OLFM4: variants seen among roughly 807,000 people sequenced by gnomAD.
OLFM4 encodes olfactomedin-4.
In OLFM4, 22 loss-of-function variants were observed where a neutral mutation model predicts 25.5. That is an observed-to-expected ratio of 0.86 (90% CI 0.62 to 1.23). OLFM4 has a LOEUF of 1.23. OLFM4 is among the 50% of genes most tolerant of loss of function. OLFM4 has a pLI of 0.00. For synonymous variants in OLFM4, 255 were observed against 237.7 expected, an observed-to-expected ratio of 1.07 and a Z score of -0.67; for missense variants, 594 against 619.4, an observed-to-expected ratio of 0.96 and a Z score of 0.44.
intron 4 of OLFM4, among the ~76,000 whole-genome samples, chr13:53,047,502 C>A (rs959268295): frequency 2.0e-5 from 3 of 152,056 alleles, no homozygotes; most frequent in African/African-American, 7.2e-5. Flanking sequence ...TCTACCACAG[C>A]CGGGGCCCTA....
intron 4 of OLFM4, among the ~76,000 whole-genome samples, chr13:53,047,908 C>T (rs990960164): frequency 5.9e-5 from 9 of 151,968 alleles, no homozygotes; most frequent in African/African-American, 2.2e-4. Context: ...TTGTTGCTGT[C>T]GGTTTGGGAT....
chr13:53,043,047 T>C, intron 3 of OLFM4, 58 bp from the exon 4 acceptor site: 1 of 1,368,614 alleles, frequency 7.3e-7, no homozygotes, highest in Non-Finnish European at 1.0e-6. Flanking sequence ...AGCCCTGGAA[T>C]GTTTATGAAA....
chr13:53,029,693 C>T (rs1954618606), intron 1 of OLFM4, among the ~76,000 whole-genome samples: 1 of 152,192 alleles, frequency 6.6e-6, no homozygotes, highest in Non-Finnish European at 1.5e-5. Context: ...AGTGTTCACT[C>T]TTTGCAGTCT....
intron 3 of OLFM4, 101 bp from the exon 4 acceptor site, chr13:53,043,004 T>C: frequency 1.1e-6 from 1 of 893,142 alleles, no homozygotes; most frequent in Non-Finnish European, 1.7e-6. Flanking sequence ...CTCTGGTGTA[T>C]TCTCTGGCAA....
chr13:53,032,023 T>C (rs1274118978), intron 1 of OLFM4, among the ~76,000 whole-genome samples: 4 of 152,230 alleles, frequency 2.6e-5, no homozygotes, highest in African/African-American at 9.6e-5. Flanking sequence ...ATCAAACTTA[T>C]GGACCATTTT....
chr13:53,032,378 A>G (rs186802338), intron 1 of OLFM4, among the ~76,000 whole-genome samples: 196 of 152,228 alleles, frequency 1.3e-3, no homozygotes, highest in African/African-American at 4.0e-3. Flanking sequence ...ATAATAAGCT[A>G]TTTCTTCAAA....
chr13:53,034,282 T>A, intron 1 of OLFM4, 66 bp from the exon 2 acceptor site: 1 of 1,545,570 alleles, frequency 6.5e-7, no homozygotes, highest in Non-Finnish European at 8.8e-7. Flanking sequence ...CCAATTTCTG[T>A]CACTCCAGTT....
At chr13:53,037,972 A>T (rs1156668653) in intron 2 of OLFM4, among the ~76,000 whole-genome samples, 1 of 152,178 alleles carries the variant, frequency 6.6e-6, no homozygotes, top group Non-Finnish European at 1.5e-5. Flanking sequence ...ACGCTCACAC[A>T]AATTTTATTC....
chr13:53,042,665 C>G (rs1303090473), intron 3 of OLFM4, among the ~76,000 whole-genome samples: 2 of 152,114 alleles, frequency 1.3e-5, no homozygotes, highest in Non-Finnish European at 2.9e-5. Flanking sequence ...TAATTTATAT[C>G]AACAAAAATT....
chr13:53,044,727 G>A (rs1380379304), intron 4 of OLFM4, among the ~76,000 whole-genome samples: 3 of 152,174 alleles, frequency 2.0e-5, no homozygotes, highest in African/African-American at 4.8e-5. Flanking sequence ...AGACAACATG[G>A]TCTGTCCTCT....
chr13:53,051,999 C>A lies in OLFM4; in HGVS notation c.*1228C>A, dbSNP rs1954751698. 6.6e-6 allele frequency: 1 copy of A among 152,100 alleles called. No homozygotes were observed. Among genetic ancestry groups the A allele is most frequent in the African/African-American group, 2.4e-5 (1 of 41,406 alleles). 9.4% of individuals were successfully genotyped at this position (152,100 alleles called of 1,614,324 possible). A position where few individuals can be genotyped will look rare whatever the true frequency, so the allele number is the denominator to read the frequency against. ...TTCAAGTCCTAGTCTATAGGATTGG[C>A]AGTTTAAATGCTTTACTCCCCCTTT... On this transcript the variant is annotated 3_prime_UTR_variant, in exon 5 of 5. Transcript: ENST00000219022.
chr13:53,050,121 A>G lies in OLFM4; in HGVS notation c.883A>G (p.Thr295Ala). 1 of 1,614,014 alleles carries G rather than the reference A, an allele frequency of 6.2e-7. No homozygotes were observed. The stretch of plus-strand genomic sequence containing the variant: ...ACTGTATTGGGTGGCGCCATTGAAT[A>G]CAGATGGGAGACTGTTGGAGTATTA... ...KGLYWVAPLN[T>A]DGRLLEYYRL... is the part of the protein sequence containing the mutation. Residue 295 changes from threonine (T) to alanine (A), a missense_variant, in exon 5 of 5, where the codon ACA (threonine) becomes GCA (alanine). By Grantham distance (58) the Thr-to-Ala change is moderately conservative (BLOSUM62 0). Transcript: ENST00000219022.
intron 1 of OLFM4, 80 bp from the exon 2 acceptor site, chr13:53,034,268 C>A: frequency 6.8e-7 from 1 of 1,466,924 alleles, no homozygotes; most frequent in Non-Finnish European, 9.4e-7. Context: ...GTACTCTCGA[C>A]AAGCCAATTT....
At chr13:53,040,860 G>C (rs1257748510) in intron 2 of OLFM4, among the ~76,000 whole-genome samples, 1 of 152,046 alleles carries the variant, frequency 6.6e-6, no homozygotes, top group Non-Finnish European at 1.5e-5. Context: ...TTAAAATGGA[G>C]ATTAAGAAAA....
intron 3 of OLFM4, among the ~76,000 whole-genome samples, 167 bp from the exon 4 acceptor site, chr13:53,042,938 G>A (rs760843744): frequency 1.4e-4 from 22 of 152,140 alleles, no homozygotes; most frequent in Non-Finnish European, 2.6e-4. Flanking sequence ...AGATCTGACA[G>A]GCATTCATGC....
In OLFM4 at chr13:53,050,380, A is replaced by G. The variant is rs1470149238; in HGVS notation, c.1142A>G (p.Gln381Arg). ...TTTTCATATGCTAATGTTGCTTGGC[A>G]AGATATTGACTTTGCTGTGGATGAG... ...NRFSYANVAW[Q>R]DIDFAVDENG... is the part of the protein sequence containing the mutation. Residue 381 changes from glutamine (Q) to arginine (R), a missense_variant, in exon 5 of 5, where the codon CAA becomes CGA. Transcript: ENST00000219022. 3.1e-6 allele frequency: 5 copies of G among 1,614,028 alleles called. No individual in the cohort carries two copies. Among genetic ancestry groups the G allele is most frequent in the Middle Eastern group, 1.6e-4 (1 of 6,062 alleles).
rs954715066 is a variant in OLFM4 at position 53,050,397 on chromosome 13, G to A, written c.1159G>A (p.Val387Met). 2 of 1,614,072 alleles carry A rather than the reference G, an allele frequency of 1.2e-6. No individual in the cohort carries two copies. The highest frequency in any genetic ancestry group is 1.7e-6 in the Non-Finnish European group (2 of 1,179,974). Residue 387 changes from valine to methionine, a missense_variant, in exon 5 of 5, where the codon GTG (valine) becomes ATG (methionine). Transcript: ENST00000219022. ...NVAWQDIDFA[V>M]DENGLWVIYS... is the part of the protein sequence containing the mutation. ...TGCTTGGCAAGATATTGACTTTGCTGTGGATGAGAATGGATTGTGGGTTAT... is the reference window on the plus strand; with the variant it reads ...TGCTTGGCAAGATATTGACTTTGCTATGGATGAGAATGGATTGTGGGTTAT...
intron 4 of OLFM4, among the ~76,000 whole-genome samples, chr13:53,043,559 C>A (rs1954700054): frequency 6.6e-6 from 1 of 152,028 alleles, no homozygotes; most frequent in South Asian, 2.1e-4. Context: ...GAACAAAAAT[C>A]TCTATGGTGA....
In OLFM4 at chr13:53,043,155, C is replaced by T; in HGVS notation, c.621C>T (p.Asn207=). 2 of 1,612,972 alleles carry T rather than the reference C, an allele frequency of 1.2e-6. No homozygotes were observed. Among genetic ancestry groups the T allele is most frequent in the Non-Finnish European group, 1.7e-6 (2 of 1,179,516 alleles). Residue 207 remains asparagine (N), a synonymous_variant, in exon 4 of 5, where the codon AAC becomes AAT. Transcript: ENST00000219022. ...AGAAGCTTGAGACACTAGACAAAAA[C>T]AATGTCCTTGCCATTCGCCGAGAAA... ...LVEKLETLDK[N]NVLAIRREIV...
Sources: gnomAD v4.1 joint callset for allele counts (sites outside exome capture counted in the v4.1 genomes callset) on GRCh38, gnomAD v4.1.1 for gene constraint, MANE v1.5 for transcripts, NCBI Gene and HGNC (gene_info 2026-07-23, HGNC 2026-07-21) for gene names.